B4GALT3: variants seen among roughly 807,000 people sequenced by gnomAD.
The protein encoded by B4GALT3 is beta-1,4-galactosyltransferase 3, also known as N-acetyllactosamine synthase.
Under a neutral mutation model 40.7 loss-of-function variants are expected in B4GALT3, and 29 were observed. The ratio of observed to expected loss-of-function variants is 0.71; its 90% confidence interval spans 0.53 to 0.97. The LOEUF (loss-of-function observed/expected upper bound fraction) is 0.97. Ranked by LOEUF, B4GALT3 falls within the 50% of genes least tolerant of loss-of-function variation. The pLI, the probability that B4GALT3 is intolerant of heterozygous loss-of-function variation, is 0.00. For missense variants in B4GALT3, 390 were observed against 522.3 expected, an observed-to-expected ratio of 0.75 and a Z score of 2.47; for synonymous variants, 182 against 203.9, an observed-to-expected ratio of 0.89 and a Z score of 0.92.
Position 161,171,743 on chromosome 1 carries a change from T to C in B4GALT3, c.*73A>G. ...TTCCCTCACATCCCTCTGAGAACAG[T>C]GAGGAGCTGAGGGTGGGGAGAATAC... On this transcript the variant is annotated 3_prime_UTR_variant, in exon 8 of 8. Coordinates refer to ENST00000319769, the MANE Select transcript of B4GALT3 (RefSeq NM_003779.4). 1 of 1,556,106 alleles carries C rather than the reference T, an allele frequency of 6.4e-7. No individual in the cohort carries two copies. The highest frequency in any genetic ancestry group is 8.8e-7 in the Non-Finnish European group (1 of 1,141,474).
chr1:161,172,763 C>T (rs1377276987), intron 6 of B4GALT3, among the ~76,000 whole-genome samples: 1 of 151,704 alleles, frequency 6.6e-6, no homozygotes, highest in Non-Finnish European at 1.5e-5. Flanking sequence ...TGCAGTGGCT[C>T]ACACCTGCAA....
chr1:161,173,768 G>T, intron 5 of B4GALT3, 41 bp from the exon 6 acceptor site: 1 of 1,613,068 alleles, frequency 6.2e-7, no homozygotes, highest in East Asian at 2.2e-5. Flanking sequence ...AGTCTTCTGG[G>T]GACACATCCC....
Position 161,171,356 on chromosome 1 carries a change from CCT to C in B4GALT3, c.*458_*459del, listed in dbSNP as rs1661369189. 2.7e-6 allele frequency: 3 copies of C among 1,107,970 alleles called. No homozygotes were observed. Among genetic ancestry groups the C allele is most frequent in the African/African-American group, 1.6e-5 (1 of 64,330 alleles). The allele number at this position is 1,107,970 out of a possible 1,614,324, so 68.6% of individuals were successfully genotyped here. The stretch of plus-strand genomic sequence containing the variant: ...AGAAAATATATCAAAATCCCAGCCC[CCT>C]GAGCCAGGACCAGAAGAGGGAGCTA... On this transcript the variant is annotated 3_prime_UTR_variant, in exon 8 of 8. Transcript: ENST00000319769.
At position 161,172,290 on chromosome 1, in the gene B4GALT3, G is replaced by C. The variant is rs1188113102; in HGVS notation, c.845C>G (p.Ser282Cys). ...AGMKISRPPTSVGHYKMVKHR... is the reference protein window; with the variant it reads ...AGMKISRPPTCVGHYKMVKHR... Reference sequence around the variant, plus strand: ...CTTCACCATCTTATAGTGTCCTACAGATGTGGGGGGCCGAGAGATCTTCAT... The same window carrying C: ...CTTCACCATCTTATAGTGTCCTACACATGTGGGGGGCCGAGAGATCTTCAT... Residue 282 changes from serine to cysteine, a missense_variant, in exon 7 of 8, where the codon TCT (serine) becomes TGT (cysteine). By Grantham distance (112) the Ser-to-Cys change is moderately radical. Around this residue, in one of 3 missense-constraint regions of B4GALT3, gnomAD observed 135 missense variants for 227.8 expected, o/e 0.59. Coordinates refer to ENST00000319769, the MANE Select transcript of B4GALT3 (RefSeq NM_003779.4). The C allele has an allele frequency of 6.2e-7, 1 of 1,614,122 alleles. No individual in the cohort carries two copies. The highest frequency in any genetic ancestry group is 8.5e-7 in the Non-Finnish European group (1 of 1,180,020).
chr1:161,176,340 C>T, intron 2 of B4GALT3, 94 bp downstream of exon 2: 1 of 538,502 alleles, frequency 1.9e-6, no homozygotes, highest in Non-Finnish European at 3.3e-6. Context: ...TCCTCACCCC[C>T]AAAAATGTTT....
rs1661501965 is a variant in B4GALT3, at chr1:161,171,744, G to A, written c.*72C>T. 1.9e-6 allele frequency: 3 copies of A among 1,559,778 alleles called. No individual in the cohort carries two copies. Among genetic ancestry groups the A allele is most frequent in the Non-Finnish European group, 2.6e-6 (3 of 1,144,194 alleles). On this transcript the variant is annotated 3_prime_UTR_variant, in exon 8 of 8. Transcript: ENST00000319769. Reference sequence around the variant, plus strand: ...TCCCTCACATCCCTCTGAGAACAGTGAGGAGCTGAGGGTGGGGAGAATACA... The same window carrying A: ...TCCCTCACATCCCTCTGAGAACAGTAAGGAGCTGAGGGTGGGGAGAATACA...
intron 2 of B4GALT3, 41 bp from the exon 3 acceptor site, chr1:161,176,115 G>C (rs1663418821): frequency 8.7e-6 from 14 of 1,602,964 alleles, no homozygotes; most frequent in Middle Eastern, 1.7e-4. Context: ...GGCAGGAAGA[G>C]AGCAAGCCAG....
rs1239101776 is a variant in B4GALT3, at chr1:161,176,089, G to C, written c.-14-15C>G. ...GGGGGTGAGATCTAGGGAGGGAGAGGGGAATTCTGGGGGTAGGCAGGAAGA... is the reference window on the plus strand; with the variant it reads ...GGGGGTGAGATCTAGGGAGGGAGAGCGGAATTCTGGGGGTAGGCAGGAAGA... On this transcript the variant is annotated splice_polypyrimidine_tract_variant and intron_variant, in intron 2 of 7. Coordinates refer to ENST00000319769, the MANE Select transcript of B4GALT3 (RefSeq NM_003779.4). 2 of 1,610,978 alleles carry C rather than the reference G, an allele frequency of 1.2e-6. No individual in the cohort carries two copies. Among genetic ancestry groups the C allele is most frequent in the South Asian group, 1.1e-5 (1 of 91,028 alleles).
Position 161,173,724 on chromosome 1 carries a change from G to C in B4GALT3, c.684C>G (p.Leu228=), listed in dbSNP as rs1281213668. 6.2e-7 allele frequency: 1 copy of C among 1,613,996 alleles called. No individual in the cohort carries two copies. The highest frequency in any genetic ancestry group is 8.5e-7 in the Non-Finnish European group (1 of 1,180,012). The stretch of plus-strand genomic sequence containing the variant: ...CTCCTCCGAAGTACTGGGGGTACGG[G>C]AGGCTAGGGAGAGAAAGATCCTTGC... ...AVAMNKFGYS[L]PYPQYFGGVS... is the part of the protein sequence containing the mutation. The change falls in exon 6 of 8, where the codon CTC becomes CTG. Residue 228 remains leucine (L), a synonymous_variant. Transcript: ENST00000319769.
rs766261366 is a variant in B4GALT3 at position 161,174,935 on chromosome 1, T to C, written c.489+58A>G. 6.4e-5 allele frequency: 99 copies of C among 1,548,812 alleles called. 1 individual carries two copies. Among genetic ancestry groups the C allele is most frequent in the Non-Finnish European group, 8.4e-5 (94 of 1,124,052 alleles). On this transcript the variant is annotated intron_variant, in intron 4 of 7. Coordinates refer to ENST00000319769, the MANE Select transcript of B4GALT3 (RefSeq NM_003779.4). ...CCATTTAGATGAAAGTGAAGTGGCA[T>C]GTGCTTGAGGCTTCCTTAGAAGAAA...
chr1:161,172,552 T>C (rs1661834830), intron 6 of B4GALT3: 1 of 516,874 alleles, frequency 1.9e-6, no homozygotes, highest in African/African-American at 2.0e-5. Flanking sequence ...CCCTAGGGCC[T>C]TTAAACAGTT....
chr1:161,175,844 C>T lies in B4GALT3; in HGVS notation c.217G>A (p.Gly73Ser). ...GATCGTTCTGGACAGTAGGGCAGAC[C>T]TTGAGGAGCTGGAGGACCCCCTGGG... ...GAPGGPPAPQ[G>S]LPYCPERSPL... Residue 73 changes from glycine (G) to serine (S), a missense_variant, in exon 3 of 8, where the codon GGT becomes AGT. Transcript: ENST00000319769. 6.2e-7 allele frequency: 1 copy of T among 1,614,126 alleles called. No individual in the cohort carries two copies. The highest frequency in any genetic ancestry group is 8.5e-7 in the Non-Finnish European group (1 of 1,180,034).
At chr1:161,176,733 C>T (rs1490657653) in intron 1 of B4GALT3, 154 bp from the exon 2 acceptor site, 2 of 798,110 alleles carry the variant, frequency 2.5e-6, no homozygotes, top group Non-Finnish European at 4.0e-6. Flanking sequence ...ATCTCCCGTG[C>T]TACCCTGGAA....
intron 1 of B4GALT3, chr1:161,177,200 G>C (rs1276864009): frequency 1.1e-6 from 1 of 870,406 alleles, no homozygotes; most frequent in East Asian, 2.7e-5. Context: ...CTGTGGAGGG[G>C]GTTAAAACCC....
chr1:161,177,568 C>G (rs1002078161), upstream of B4GALT3: 9 of 164,216 alleles, frequency 5.5e-5, 1 homozygote, highest in South Asian at 2.8e-4. Flanking sequence ...GACTAGGCAC[C>G]CGGTCCCAGA....
chr1:161,175,704 C>G lies in B4GALT3; in HGVS notation c.253+104G>C, dbSNP rs919458327. 11 of 1,512,940 alleles carry G rather than the reference C, an allele frequency of 7.3e-6. No individual in the cohort carries two copies. In the Admixed American group the frequency reaches 7.6e-5, roughly 10 times the overall value. The allele number at this position is 1,512,940 out of a possible 1,614,324, so 93.7% of individuals were successfully genotyped here. On this transcript the variant is annotated intron_variant, in intron 3 of 7. Transcript: ENST00000319769. ...TACCTGCAGCCTCAGCCTACCTATC[C>G]TCTTCTAAGTTCCACTTCTGCCACT...
Position 161,175,066 on chromosome 1 carries a change from C to A in B4GALT3, c.416G>T (p.Arg139Leu). The change falls in exon 4 of 8, where the codon CGC becomes CTC. Residue 139 changes from arginine to leucine, a missense_variant. Arg to Leu is a moderately radical substitution (Grantham distance 102). Transcript: ENST00000319769. The part of the protein sequence containing the change: ...VPHRAREHHL[R>L]LLLYHLHPFL... The stretch of plus-strand genomic sequence containing the variant: ...GGGGTGCAGGTGGTAGAGCAGCAGG[C>A]GCAGGTGGTGCTCCCGGGCACGATG... 1 of 1,614,028 alleles carries A rather than the reference C, an allele frequency of 6.2e-7. No homozygotes were observed.
intron 1 of B4GALT3, chr1:161,176,786 C>T: frequency 7.0e-7 from 1 of 1,433,840 alleles, no homozygotes; most frequent in Non-Finnish European, 9.5e-7. Context: ...CGTACCCCCA[C>T]CCCAACAGGA....
chr1:161,173,850 GC>G lies in B4GALT3; in HGVS notation c.680+8del, dbSNP rs762759113. The G allele has an allele frequency of 4.3e-6, 7 of 1,612,724 alleles. No individual in the cohort carries two copies. In the African/African-American group the frequency reaches 9.3e-5, roughly 22 times the overall value. ...TCCCTGTTTCCCAGTACCCTTCCAT[GC>G]CCTCTACCTGTATCCAAACTTGTTC... is the stretch of plus-strand genomic sequence containing the variant. On this transcript the variant is annotated splice_region_variant and intron_variant, in intron 5 of 7. Coordinates refer to ENST00000319769, the MANE Select transcript of B4GALT3 (RefSeq NM_003779.4).
Sources: gnomAD v4.1 joint callset for allele counts (sites outside exome capture counted in the v4.1 genomes callset) on GRCh38, gnomAD v4.1.1 for gene constraint, gnomAD v4.1.1 regional missense constraint, MANE v1.5 for transcripts, NCBI Gene and HGNC (gene_info 2026-07-23, HGNC 2026-07-21) for gene names.